Variants in HS6ST3 observed in about 807,000 individuals in gnomAD.
HS6ST3 encodes heparan-sulfate 6-O-sulfotransferase 3.
A neutral mutation model predicts 36.7 loss-of-function variants in HS6ST3; 12 were observed. The ratio of observed to expected loss-of-function variants is 0.33; its 90% CI spans 0.21 to 0.53. HS6ST3 has a LOEUF of 0.53. HS6ST3 is among the 20% of genes least tolerant of loss of function. The pLI is 0.95. For synonymous variants in HS6ST3, 240 were observed against 257.5 expected (o/e 0.93, Z 0.65); for missense variants, 584 against 640.9 (o/e 0.91, Z 0.96).
intron 1 of HS6ST3, among the ~76,000 whole-genome samples, chr13:96,499,587 A>G (rs2055994037): frequency 6.6e-6 from 1 of 152,066 alleles, no homozygotes; most frequent in Admixed American, 6.6e-5. Context: ...GCAAGGCCAC[A>G]TGAGGAAAGC....
intron 1 of HS6ST3, among the ~76,000 whole-genome samples, chr13:96,206,396 T>C (rs2054370360): frequency 6.6e-6 from 1 of 152,200 alleles, no homozygotes; most frequent in South Asian, 2.1e-4. Context: ...AAGTAGTTTA[T>C]ACATTCAATG....
intron 1 of HS6ST3, among the ~76,000 whole-genome samples, chr13:96,740,105 A>C (rs1466181147): frequency 1.3e-5 from 2 of 152,096 alleles, no homozygotes; most frequent in African/African-American, 4.8e-5. Flanking sequence ...CCATAGTAAC[A>C]ATCATCTCCT....
intron 1 of HS6ST3, among the ~76,000 whole-genome samples, chr13:96,592,430 TAAGAA>T (rs1172816330): frequency 6.6e-6 from 1 of 152,178 alleles, no homozygotes; most frequent in African/African-American, 2.4e-5. Context: ...TCTTTCTACT[TAAGAA>T]AAGGATAGTT....
intron 1 of HS6ST3, among the ~76,000 whole-genome samples, chr13:96,317,376 A>AC (rs1407020827): frequency 1.4e-4 from 1 of 7,318 alleles, no homozygotes; most frequent in Non-Finnish European, 3.3e-4. Flanking sequence ...ATAAAATTAT[A>AC]TATATATATA....
intron 1 of HS6ST3, among the ~76,000 whole-genome samples, chr13:96,131,647 A>G (rs2053976136): frequency 6.6e-6 from 1 of 152,018 alleles, no homozygotes; most frequent in African/African-American, 2.4e-5. Context: ...TCTTGACCTT[A>G]TTCCTCCCAT....
intron 1 of HS6ST3, among the ~76,000 whole-genome samples, chr13:96,786,520 T>G (rs1411014963): frequency 6.6e-6 from 1 of 152,156 alleles, no homozygotes; most frequent in Non-Finnish European, 1.5e-5. Context: ...GGATATGTTT[T>G]GGGGCAAAAA....
intron 1 of HS6ST3, among the ~76,000 whole-genome samples, chr13:96,727,972 A>G (rs1876048163): frequency 6.6e-6 from 1 of 152,186 alleles, no homozygotes; most frequent in Admixed American, 6.5e-5. Flanking sequence ...GATAAATTTT[A>G]TACAACCCTT....
At chr13:96,621,456 G>A (rs2056494780) in intron 1 of HS6ST3, among the ~76,000 whole-genome samples, 2 of 152,128 alleles carry the variant, frequency 1.3e-5, no homozygotes, top group African/African-American at 2.4e-5. Context: ...TGCCATGATT[G>A]TAAGTTTCCT....
At chr13:96,505,004 T>A (rs1041450863) in intron 1 of HS6ST3, among the ~76,000 whole-genome samples, 1 of 152,174 alleles carries the variant, frequency 6.6e-6, no homozygotes, top group African/African-American at 2.4e-5. Flanking sequence ...CCCAAAATAC[T>A]GTGTTACACA....
At chr13:96,795,810 G>T (rs562551585) in intron 1 of HS6ST3, among the ~76,000 whole-genome samples, 25 of 152,128 alleles carry the variant, frequency 1.6e-4, no homozygotes, top group African/African-American at 5.8e-4. Context: ...ACAAGCATCT[G>T]TCTGAATTCT....
At chr13:96,296,546 C>T (rs2054855829) in intron 1 of HS6ST3, among the ~76,000 whole-genome samples, 1 of 152,064 alleles carries the variant, frequency 6.6e-6, no homozygotes, top group Non-Finnish European at 1.5e-5. Flanking sequence ...GCACAAAATT[C>T]CTAGTGTTTA....
At chr13:96,454,264 G>A (rs1159475057) in intron 1 of HS6ST3, among the ~76,000 whole-genome samples, 1 of 152,162 alleles carries the variant, frequency 6.6e-6, no homozygotes, top group Admixed American at 6.5e-5. Context: ...AAATCATAGT[G>A]GGGTCTGTGC....
chr13:96,629,959 G>A (rs2056526411), intron 1 of HS6ST3, among the ~76,000 whole-genome samples: 1 of 150,996 alleles, frequency 6.6e-6, no homozygotes, highest in Non-Finnish European at 1.5e-5. Context: ...TTTTTTCTCT[G>A]AGTTGATTAC....
chr13:96,677,906 C>T (rs942673429), intron 1 of HS6ST3, among the ~76,000 whole-genome samples: 2 of 152,020 alleles, frequency 1.3e-5, no homozygotes, highest in East Asian at 1.9e-4. Context: ...TTTTAGAGCT[C>T]GGGCCTGTAA....
chr13:96,721,568 T>C (rs1162178232), intron 1 of HS6ST3, among the ~76,000 whole-genome samples: 1 of 152,198 alleles, frequency 6.6e-6, no homozygotes, highest in African/African-American at 2.4e-5. Flanking sequence ...TAATAATATA[T>C]TCTATACTTA....
intron 1 of HS6ST3, among the ~76,000 whole-genome samples, chr13:96,691,210 T>G (rs1289668922): frequency 2.0e-5 from 3 of 152,136 alleles, no homozygotes; most frequent in Admixed American, 6.6e-5. Context: ...GCTTCATGAT[T>G]GATAAGTTGT....
At chr13:96,385,753 A>T (rs748311001) in intron 1 of HS6ST3, among the ~76,000 whole-genome samples, 1 of 152,238 alleles carries the variant, frequency 6.6e-6, no homozygotes, top group Non-Finnish European at 1.5e-5. Context: ...TTATAGTAAT[A>T]ATAAGAATTC....
intron 1 of HS6ST3, among the ~76,000 whole-genome samples, chr13:96,422,196 T>G (rs2055565882): frequency 6.6e-6 from 1 of 152,216 alleles, no homozygotes; most frequent in Non-Finnish European, 1.5e-5. Context: ...GCTTAGCACA[T>G]CGCATTGCAA....
chr13:96,324,101 A>G (rs1273493450), intron 1 of HS6ST3, among the ~76,000 whole-genome samples: 1 of 152,180 alleles, frequency 6.6e-6, no homozygotes, highest in East Asian at 1.9e-4. Context: ...CATTTGCAGT[A>G]ATAGAAGGTA....
Sources: gnomAD v4.1 joint callset for allele counts (sites outside exome capture counted in the v4.1 genomes callset) on GRCh38, gnomAD v4.1.1 for gene constraint, MANE v1.5 for transcripts, NCBI Gene and HGNC (gene_info 2026-07-23, HGNC 2026-07-21) for gene names.